Variants in IFT88 observed in about 807,000 individuals in gnomAD.
The protein encoded by IFT88 is intraflagellar transport 88.
Under a neutral mutation model 119.5 loss-of-function variants are expected in IFT88, and 74 were observed. That is an observed-to-expected ratio of 0.62 (90% CI 0.51 to 0.75). IFT88 has a LOEUF of 0.75. Ranked by LOEUF, IFT88 falls within the 30% of genes least tolerant of loss-of-function variation. IFT88 has a pLI of 0.00. For synonymous variants in IFT88, 279 were observed against 316.7 expected, an observed-to-expected ratio of 0.88 and a Z score of 1.26; for missense variants, 961 against 977.7, an observed-to-expected ratio of 0.98 and a Z score of 0.23.
At chr13:20,658,788 G>T (rs1351944308) in intron 22 of IFT88, among the ~76,000 whole-genome samples, 1 of 152,118 alleles carries the variant, frequency 6.6e-6, no homozygotes, top group Non-Finnish European at 1.5e-5. Context: ...TGTCCCTTGG[G>T]GGTGCAAAAT....
At chr13:20,571,912 T>C (rs1241760069) in intron 1 of IFT88, among the ~76,000 whole-genome samples, 1 of 152,220 alleles carries the variant, frequency 6.6e-6, no homozygotes, top group Non-Finnish European at 1.5e-5. Flanking sequence ...AGCAATGTTA[T>C]GTGTCCTGAG....
rs891379969 is a variant in IFT88 at position 20,662,912 on chromosome 13, C to A, written c.2069-586C>A. On this transcript the variant is annotated intron_variant, in intron 22 of 25. Transcript: ENST00000351808. ...CATCTGGTGATATGTATAAAGTGAT[C>A]GAAGATTTTGTTGTTGTTATTGTAT... Among the ~76,000 whole-genome samples, 9 of 152,084 alleles carry A rather than the reference C, an allele frequency of 5.9e-5. 1 individual carries two copies. The East Asian group carries it at 1.3e-3, about 23-fold the overall frequency.
At chr13:20,657,954 G>A (rs76353709) in intron 22 of IFT88, among the ~76,000 whole-genome samples, 3,747 of 152,232 alleles carry the variant, frequency 0.025, 76 homozygotes, top group Non-Finnish European at 0.041. Flanking sequence ...AAGCTCAACA[G>A]CAGTTAGCTC....
chr13:20,597,886 T>C (rs1358019908), intron 9 of IFT88, among the ~76,000 whole-genome samples: 2 of 152,052 alleles, frequency 1.3e-5, no homozygotes, highest in East Asian at 1.9e-4. Context: ...GATTGTAATG[T>C]AGACTTTTCG....
intron 23 of IFT88, among the ~76,000 whole-genome samples, chr13:20,670,584 G>A (rs1411371893): frequency 1.4e-5 from 2 of 143,984 alleles, no homozygotes; most frequent in Non-Finnish European, 3.0e-5. Context: ...TGTATATGAG[G>A]ACTAATGGCA....
At chr13:20,653,013 G>C (rs867795597) in intron 20 of IFT88, among the ~76,000 whole-genome samples, 15 of 152,232 alleles carry the variant, frequency 9.9e-5, no homozygotes, top group African/African-American at 3.6e-4. Context: ...GATCTAGAAA[G>C]TAGATAAACT....
rs754814233 is a variant in IFT88, at chr13:20,671,067, C to G, written c.2242+28C>G. 6.9e-6 allele frequency: 11 copies of G among 1,598,332 alleles called. No homozygotes were observed. The Admixed American group carries it at 8.4e-5, about 12-fold the overall frequency. On this transcript the variant is annotated intron_variant, in intron 24 of 25. Coordinates refer to ENST00000351808, the MANE Select transcript of IFT88 (RefSeq NM_006531.5). ...AAGTATTTTCTCTTTCCCTGAAAAACTTGGTTTCCACATTTCTAGTATGTG... is the reference window on the plus strand; with the variant it reads ...AAGTATTTTCTCTTTCCCTGAAAAAGTTGGTTTCCACATTTCTAGTATGTG...
intron 15 of IFT88, among the ~76,000 whole-genome samples, 176 bp from the exon 16 acceptor site, chr13:20,630,840 A>C (rs1354777777): frequency 2.0e-5 from 3 of 152,168 alleles, no homozygotes; most frequent in African/African-American, 7.2e-5. Flanking sequence ...TTTTTTATAA[A>C]TTCTAATTCT....
chr13:20,567,919 GTGTCCAATCTT>G (rs1325660285), intron 1 of IFT88: 37 of 695,168 alleles, frequency 5.3e-5, no homozygotes, highest in Admixed American at 2.5e-4. Context: ...TAGACCAAGG[GTGTCCAATCTT>G]TGGCTTCCCT....
At chr13:20,646,875 C>CTT (rs2050843250) in intron 20 of IFT88, among the ~76,000 whole-genome samples, 5 of 150,660 alleles carry the variant, frequency 3.3e-5, no homozygotes, top group African/African-American at 9.8e-5. Flanking sequence ...CTCTCTCTCT[C>CTT]GCTTTACTAC....
At chr13:20,640,455 C>T (rs927152107) in intron 17 of IFT88, among the ~76,000 whole-genome samples, 4 of 151,948 alleles carry the variant, frequency 2.6e-5, no homozygotes, top group African/African-American at 4.8e-5. Flanking sequence ...CGCCTGTAGT[C>T]CCAGCTACTC....
intron 1 of IFT88, chr13:20,567,864 G>GTT: frequency 9.0e-6 from 8 of 887,756 alleles, no homozygotes; most frequent in Non-Finnish European, 9.8e-6. Context: ...AGTTTTTTTT[G>GTT]TTTGTTTTTT....
chr13:20,614,973 A>G (rs1420298338), intron 13 of IFT88, among the ~76,000 whole-genome samples: 2 of 151,708 alleles, frequency 1.3e-5, no homozygotes, highest in Non-Finnish European at 1.5e-5. Flanking sequence ...CTGCCGCCAC[A>G]CCTGGCTAAT....
At chr13:20,686,040 T>TC (rs143824011) in intron 24 of IFT88, among the ~76,000 whole-genome samples, 24,917 of 152,210 alleles carry the variant, frequency 0.16, 2,383 homozygotes, top group African/African-American at 0.25. Context: ...ATTATGTTCT[T>TC]CACAGTTGTG....
At chr13:20,665,520 AT>A (rs1186407310) in intron 23 of IFT88, among the ~76,000 whole-genome samples, 4 of 152,264 alleles carry the variant, frequency 2.6e-5, no homozygotes, top group African/African-American at 9.6e-5. Flanking sequence ...GTCTTGTACA[AT>A]TTATATATTA....
rs142894713 is a variant in IFT88, at chr13:20,656,615, A to G, written c.2068+185A>G. Among the ~76,000 whole-genome samples the G allele has an allele frequency of 9.9e-3, 1,510 of 152,296 alleles. 25 individuals are homozygous for G. The highest frequency in any genetic ancestry group is 0.034 in the African/African-American group (1,417 of 41,568). On this transcript the variant is annotated intron_variant, in intron 22 of 25. Coordinates refer to ENST00000351808, the MANE Select transcript of IFT88 (RefSeq NM_006531.5). The stretch of plus-strand genomic sequence containing the variant: ...TGCAAGTACATATTTTTATGTAACT[A>G]ATTGTTGATGGATTTAAATATACCA...
chr13:20,668,163 TGGAATA>T (rs2055071771), intron 23 of IFT88, among the ~76,000 whole-genome samples: 2 of 152,216 alleles, frequency 1.3e-5, no homozygotes, highest in South Asian at 4.1e-4. Context: ...GGGCCAGCCC[TGGAATA>T]CCCGGTGGGG....
At chr13:20,597,517 G>C (rs2041867566) in intron 9 of IFT88, among the ~76,000 whole-genome samples, 1 of 151,988 alleles carries the variant, frequency 6.6e-6, no homozygotes, top group Admixed American at 6.6e-5. Flanking sequence ...GGCCGAGGCG[G>C]GCAGATCACA....
rs2034990371 is a variant in IFT88 at position 20,567,254 on chromosome 13, G to A, written c.-9G>A. On this transcript the variant is annotated splice_region_variant and 5_prime_UTR_variant, in exon 1 of 26. Coordinates refer to ENST00000351808, the MANE Select transcript of IFT88 (RefSeq NM_006531.5). ...AACTGTCGCCCGCTTCCCTCAGCGT[G>A]AGGTAGGAGAAGGGCGCTGGGGCCT... 3 of 152,280 alleles carry A rather than the reference G, an allele frequency of 2.0e-5. No homozygotes were observed. The allele number at this position is 152,280 out of a possible 1,614,324, so 9.4% of individuals were successfully genotyped here. A position where few individuals can be genotyped will look rare whatever the true frequency, so the allele number is the denominator to read the frequency against.
Sources: gnomAD v4.1 joint callset for allele counts (sites outside exome capture counted in the v4.1 genomes callset) on GRCh38, gnomAD v4.1.1 for gene constraint, MANE v1.5 for transcripts, NCBI Gene and HGNC (gene_info 2026-07-23, HGNC 2026-07-21) for gene names.